OSTF1: variants seen among roughly 807,000 people sequenced by gnomAD.
OSTF1 encodes osteoclast-stimulating factor 1.
In OSTF1, 27 loss-of-function variants were observed where a neutral mutation model predicts 37.2. That is an observed-to-expected ratio of 0.73 (90% CI 0.54 to 1.00). The LOEUF (loss-of-function observed/expected upper bound fraction) is 1.00. Ranked by LOEUF, OSTF1 falls within the 50% of genes least tolerant of loss-of-function variation. The pLI is 0.00. For missense variants in OSTF1, 232 were observed against 253.8 expected (o/e 0.91, Z 0.58); for synonymous variants, 82 against 89.2 (o/e 0.92, Z 0.46).
intron 2 of OSTF1, among the ~76,000 whole-genome samples, chr9:75,122,398 C>T (rs1486003849): frequency 6.6e-6 from 1 of 152,180 alleles, no homozygotes; most frequent in African/African-American, 2.4e-5. Context: ...ATCCATGACC[C>T]ATCCAAGCCT....
intron 1 of OSTF1, among the ~76,000 whole-genome samples, chr9:75,111,840 T>C (rs1384101111): frequency 1.7e-5 from 2 of 119,194 alleles, no homozygotes; most frequent in Non-Finnish European, 3.5e-5. Flanking sequence ...TTTTTTTTTT[T>C]TGAGGCGGAG....
intron 2 of OSTF1, among the ~76,000 whole-genome samples, chr9:75,119,928 C>T (rs1050589511): frequency 2.6e-5 from 4 of 151,714 alleles, no homozygotes; most frequent in South Asian, 2.1e-4. Flanking sequence ...TGCGCCACTG[C>T]ACTCCAGCCT....
Position 75,145,901 on chromosome 9 carries a change from T to C in OSTF1, c.587-782T>C, listed in dbSNP as rs551365593. Among the ~76,000 whole-genome samples the C allele has an allele frequency of 1.8e-4, 27 of 152,326 alleles. No individual in the cohort carries two copies. The South Asian group carries it at 5.0e-3, about 28-fold the overall frequency. On this transcript the variant is annotated intron_variant, in intron 9 of 9. Transcript: ENST00000346234. ...AGGGTTCTAGGTCCATCCCTTACAC[T>C]TCCTGCCCCATACTTGGAACCGGTC...
intron 8 of OSTF1, 143 bp downstream of exon 8, chr9:75,137,759 A>G (rs2025159): frequency 0.75 from 443,191 of 587,032 alleles, 168,719 homozygotes; most frequent in African/African-American, 0.87. Context: ...GTATCATGGA[A>G]TAGTTATGAT....
At chr9:75,122,575 A>G (rs951254498) in intron 2 of OSTF1, among the ~76,000 whole-genome samples, 7 of 152,234 alleles carry the variant, frequency 4.6e-5, no homozygotes, top group Admixed American at 1.3e-4. Flanking sequence ...ATGATGGCCA[A>G]TAATGGCTGT....
chr9:75,131,713 G>C, intron 4 of OSTF1, 57 bp from the exon 5 acceptor site: 12 of 1,347,608 alleles, frequency 8.9e-6, no homozygotes, highest in Non-Finnish European at 1.2e-5. Context: ...AGTGGCTTCA[G>C]TAAATCATTT....
intron 1 of OSTF1, among the ~76,000 whole-genome samples, chr9:75,111,909 C>T (rs988975441): frequency 4.9e-5 from 7 of 143,928 alleles, no homozygotes; most frequent in Admixed American, 7.0e-5. Flanking sequence ...CTACCACCTC[C>T]GCCTCCTGGG....
rs1462968008 is a variant in OSTF1 at position 75,112,912 on chromosome 9, T to C, written c.35-4592T>C. On this transcript the variant is annotated intron_variant, in intron 1 of 9. Transcript: ENST00000346234. ...TTTGGAAAGTTCGAAGTAATCAAGA[T>C]AACTAATCTCTGCTCTCAGAGAGAC... 2.4e-4 allele frequency among the ~76,000 whole-genome samples: 37 copies of C among 152,216 alleles called. 1 individual carries two copies. The highest frequency in any genetic ancestry group is 2.4e-3 in the Admixed American group (37 of 15,276).
At chr9:75,111,649 A>G (rs892088603) in intron 1 of OSTF1, among the ~76,000 whole-genome samples, 4 of 151,734 alleles carry the variant, frequency 2.6e-5, no homozygotes, top group African/African-American at 4.8e-5. Context: ...TCTGAGCTCC[A>G]TTTTTCCTCT....
At chr9:75,101,383 T>G (rs980054495) in intron 1 of OSTF1, among the ~76,000 whole-genome samples, 2 of 152,184 alleles carry the variant, frequency 1.3e-5, no homozygotes, top group Non-Finnish European at 1.5e-5. Context: ...GGGAAACAAT[T>G]TTCAGTTTAA....
chr9:75,104,158 T>C (rs933642663), intron 1 of OSTF1, among the ~76,000 whole-genome samples: 1 of 152,050 alleles, frequency 6.6e-6, no homozygotes, highest in African/African-American at 2.4e-5. Context: ...GTGGGATGAT[T>C]GCCCGAGCCT....
intron 1 of OSTF1, among the ~76,000 whole-genome samples, chr9:75,102,916 C>A (rs1422037823): frequency 2.0e-5 from 3 of 152,140 alleles, no homozygotes; most frequent in Non-Finnish European, 4.4e-5. Context: ...CTAGGCATGG[C>A]AATTTTTTTT....
At chr9:75,113,057 G>T (rs1825420088) in intron 1 of OSTF1, among the ~76,000 whole-genome samples, 2 of 152,020 alleles carry the variant, frequency 1.3e-5, no homozygotes. Flanking sequence ...TTCTACTTTT[G>T]TGTGTGCCTA....
At chr9:75,092,475 T>C (rs1211870690) in intron 1 of OSTF1, among the ~76,000 whole-genome samples, 1 of 152,246 alleles carries the variant, frequency 6.6e-6, no homozygotes, top group Non-Finnish European at 1.5e-5. Context: ...AAGACGTATG[T>C]ATCTACAGAT....
At chr9:75,122,655 T>G (rs1303261872) in intron 2 of OSTF1, among the ~76,000 whole-genome samples, 2 of 152,184 alleles carry the variant, frequency 1.3e-5, no homozygotes, top group Admixed American at 1.3e-4. Flanking sequence ...ATCTGACTTA[T>G]AGTTCAAGTC....
intron 9 of OSTF1, among the ~76,000 whole-genome samples, chr9:75,141,419 A>C (rs750881692): frequency 6.6e-6 from 1 of 151,250 alleles, no homozygotes; most frequent in Non-Finnish European, 1.5e-5. Flanking sequence ...GACACCCTCA[A>C]TTAAACAGAA....
At chr9:75,101,625 T>C (rs1032994473) in intron 1 of OSTF1, among the ~76,000 whole-genome samples, 1 of 152,234 alleles carries the variant, frequency 6.6e-6, no homozygotes. Context: ...AATCCTTTGC[T>C]CTTTATTTTT....
rs568807810 is a variant in OSTF1 at position 75,097,266 on chromosome 9, T to A, written c.34+8540T>A. Among the ~76,000 whole-genome samples, 4 of 152,196 alleles carry A rather than the reference T, an allele frequency of 2.6e-5. No homozygotes were observed. In the East Asian group the frequency reaches 7.7e-4, roughly 29 times the overall value. ...AACCTGGGCCTATCCGAAGCTGAAA[T>A]GTGAGGTAGGAGTCACTACTATGGT... On this transcript the variant is annotated intron_variant, in intron 1 of 9. Coordinates refer to ENST00000346234, the MANE Select transcript of OSTF1 (RefSeq NM_012383.5).
chr9:75,138,032 G>A (rs1825870673), intron 8 of OSTF1, among the ~76,000 whole-genome samples: 2 of 152,174 alleles, frequency 1.3e-5, no homozygotes, highest in Non-Finnish European at 2.9e-5. Flanking sequence ...CGGCTGCAAT[G>A]TCCTGCTTTG....
Sources: gnomAD v4.1 joint callset for allele counts (sites outside exome capture counted in the v4.1 genomes callset) on GRCh38, gnomAD v4.1.1 for gene constraint, MANE v1.5 for transcripts, NCBI Gene and HGNC (gene_info 2026-07-23, HGNC 2026-07-21) for gene names.